Variants in PGBD5 observed in about 807,000 individuals in gnomAD.
PGBD5 encodes piggyBac transposable element-derived protein 5.
Under a neutral mutation model 47.9 loss-of-function variants are expected in PGBD5, and 14 were observed. That is an observed-to-expected ratio of 0.29 (90% CI 0.19 to 0.46). The LOEUF is 0.46. Ranked by LOEUF, PGBD5 falls within the 20% of genes least tolerant of loss-of-function variation. The pLI is 1.00. For synonymous variants in PGBD5, 316 were observed against 306.3 expected (o/e 1.03, Z -0.33); for missense variants, 635 against 716.0 (o/e 0.89, Z 1.29).
At chr1:230,415,850 C>T (rs138375165) in intron 1 of PGBD5, among the ~76,000 whole-genome samples, 324 of 152,290 alleles carry the variant, frequency 2.1e-3, no homozygotes, top group Non-Finnish European at 3.2e-3. Context: ...ATACCATGTT[C>T]CACACTCATT....
At chr1:230,403,705 C>A (rs1006733770) in intron 1 of PGBD5, among the ~76,000 whole-genome samples, 1 of 152,226 alleles carries the variant, frequency 6.6e-6, no homozygotes, top group Non-Finnish European at 1.5e-5. Context: ...GGGGTCCGCT[C>A]TGGACACAGA....
At chr1:230,362,947 T>G (rs1343096814) in intron 1 of PGBD5, among the ~76,000 whole-genome samples, 1 of 151,984 alleles carries the variant, frequency 6.6e-6, no homozygotes, top group Non-Finnish European at 1.5e-5. Flanking sequence ...GTGGTGAAAG[T>G]ACAGTGGGCA....
At chr1:230,390,427 T>C (rs965660895) in intron 1 of PGBD5, among the ~76,000 whole-genome samples, 12 of 152,032 alleles carry the variant, frequency 7.9e-5, no homozygotes, top group Non-Finnish European at 1.2e-4. Flanking sequence ...ATCTCACCCC[T>C]CTTCTGGGGT....
chr1:230,399,284 G>A (rs1657077216), intron 1 of PGBD5, among the ~76,000 whole-genome samples: 1 of 152,118 alleles, frequency 6.6e-6, no homozygotes, highest in Non-Finnish European at 1.5e-5. Context: ...CCTGTATTCT[G>A]TCTGGCAACC....
chr1:230,357,106 C>G lies in PGBD5; in HGVS notation c.547G>C (p.Glu183Gln). Residue 183 changes from glutamate (E) to glutamine (Q), a missense_variant, in exon 2 of 7, where the codon GAG becomes CAG. Coordinates refer to ENST00000391860, the MANE Select transcript of PGBD5 (RefSeq NM_001258311.2). The surrounding 1 kb of genome is among the most constrained non-coding windows in gnomAD (Gnocchi z 5.7). ...CCGCTCCAGATGCTGAGGACGGACT[C>G]GCAGTGGGAGATGCTGGTGGAGATC... ...YMISTSISHC[E>Q]SVLSIWSGGF... is the part of the protein sequence containing the mutation. 1 of 1,614,160 alleles carries G rather than the reference C, an allele frequency of 6.2e-7. No individual in the cohort carries two copies. Among genetic ancestry groups the G allele is most frequent in the Non-Finnish European group, 8.5e-7 (1 of 1,180,042 alleles).
At chr1:230,335,841 A>AGATG (rs1463323382) in intron 4 of PGBD5, among the ~76,000 whole-genome samples, 1 of 150,434 alleles carries the variant, frequency 6.6e-6, no homozygotes, top group African/African-American at 2.4e-5. Flanking sequence ...ACACATACAC[A>AGATG]CACAGACACA....
chr1:230,345,547 C>T lies in PGBD5; in HGVS notation c.894+5411G>A, dbSNP rs367732652. ...GGGTCTAGGTTAGTCCTTAGCAGGC[C>T]TGTGACACAGAATAAATACAGACAG... On this transcript the variant is annotated intron_variant, in intron 3 of 6. Coordinates refer to ENST00000391860, the MANE Select transcript of PGBD5 (RefSeq NM_001258311.2). 4.5e-4 allele frequency among the ~76,000 whole-genome samples: 68 copies of T among 152,326 alleles called. 1 individual carries two copies. Among genetic ancestry groups the T allele is most frequent in the African/African-American group, 1.6e-3 (65 of 41,570 alleles).
At chr1:230,343,943 C>CG (rs1667442268) in intron 3 of PGBD5, among the ~76,000 whole-genome samples, 1 of 152,278 alleles carries the variant, frequency 6.6e-6, no homozygotes, top group East Asian at 1.9e-4. Flanking sequence ...TTGTCTAAAT[C>CG]GGGAAAAGTT....
In PGBD5 at chr1:230,425,150, G is replaced by A. The variant is rs1657745478; in HGVS notation, c.331+448C>T. ...CACTGGGCCAACTCCTACCTGCCTC[G>A]CCCGCGTCACCTGCTGTAAGGCTTG... On this transcript the variant is annotated intron_variant, in intron 1 of 6. Coordinates refer to ENST00000391860, the MANE Select transcript of PGBD5 (RefSeq NM_001258311.2). The surrounding 1 kb of genome is among the most constrained non-coding windows in gnomAD (Gnocchi z 4.7). Among the ~76,000 whole-genome samples the A allele has an allele frequency of 6.6e-6, 1 of 151,924 alleles. No individual in the cohort carries two copies. The highest frequency in any genetic ancestry group is 6.6e-5 in the Admixed American group (1 of 15,258).
intron 1 of PGBD5, among the ~76,000 whole-genome samples, chr1:230,361,340 G>C (rs370878463): frequency 6.6e-5 from 10 of 152,216 alleles, no homozygotes; most frequent in Admixed American, 5.2e-4. Flanking sequence ...AGGAGACCTA[G>C]AGGAGGAAGA....
chr1:230,388,769 G>C (rs1041675556), intron 1 of PGBD5, among the ~76,000 whole-genome samples: 1 of 152,206 alleles, frequency 6.6e-6, no homozygotes, highest in African/African-American at 2.4e-5. Flanking sequence ...GTGAGGCTGG[G>C]AGCCTGCTTT....
chr1:230,421,699 C>T (rs567884458), intron 1 of PGBD5, among the ~76,000 whole-genome samples: 10 of 152,332 alleles, frequency 6.6e-5, no homozygotes, highest in Admixed American at 5.9e-4. Flanking sequence ...TTCTGTGCAG[C>T]CACTGCAAGA....
intron 1 of PGBD5, among the ~76,000 whole-genome samples, chr1:230,423,588 T>C (rs1412199834): frequency 6.6e-6 from 1 of 152,200 alleles, no homozygotes; most frequent in Non-Finnish European, 1.5e-5. Flanking sequence ...CCATAAATCA[T>C]ATTCCATTGT....
chr1:230,362,068 A>G (rs828477), intron 1 of PGBD5, among the ~76,000 whole-genome samples: 100,505 of 152,170 alleles, frequency 0.66, 34,077 homozygotes, highest in Non-Finnish European at 0.74. Flanking sequence ...TCAGTGGGGC[A>G]TGAGGGTCTG....
intron 1 of PGBD5, among the ~76,000 whole-genome samples, chr1:230,367,274 GCCC>G (rs535173047): frequency 3.9e-4 from 59 of 152,216 alleles, no homozygotes; most frequent in African/African-American, 1.3e-3. Context: ...GGCCACCGAT[GCCC>G]CCAACGTGCC....
intron 1 of PGBD5, among the ~76,000 whole-genome samples, chr1:230,405,788 GA>G (rs1255009058): frequency 6.6e-6 from 1 of 152,220 alleles, no homozygotes; most frequent in Admixed American, 6.5e-5. Flanking sequence ...TCTCAGGGGT[GA>G]ATAGTTGATG....
At chr1:230,338,843 C>T (rs1282218486) in intron 3 of PGBD5, among the ~76,000 whole-genome samples, 3 of 152,052 alleles carry the variant, frequency 2.0e-5, no homozygotes, top group Non-Finnish European at 2.9e-5. Flanking sequence ...AAAAAAAGCC[C>T]GCAATGGGGC....
At chr1:230,359,677 A>G (rs985369495) in intron 1 of PGBD5, among the ~76,000 whole-genome samples, 1 of 152,352 alleles carries the variant, frequency 6.6e-6, no homozygotes, top group African/African-American at 2.4e-5. Flanking sequence ...CGTGAAATAA[A>G]TGAGATCATG....
At chr1:230,334,937 T>A (rs965957531) in intron 4 of PGBD5, among the ~76,000 whole-genome samples, 9 of 151,266 alleles carry the variant, frequency 5.9e-5, no homozygotes, top group Non-Finnish European at 7.4e-5. Flanking sequence ...CACACTCAGC[T>A]CTTTGGGAAC....
Sources: gnomAD v4.1 joint callset for allele counts (sites outside exome capture counted in the v4.1 genomes callset) on GRCh38, gnomAD v4.1.1 for gene constraint, Gnocchi (gnomAD v3.1) non-coding constraint, MANE v1.5 for transcripts, NCBI Gene and HGNC (gene_info 2026-07-23, HGNC 2026-07-21) for gene names.